Variants in NAALADL2 observed in about 807,000 individuals in gnomAD.
The protein encoded by NAALADL2 is N-acetylated alpha-linked acidic dipeptidase like 2.
A neutral mutation model predicts 87.2 loss-of-function variants in NAALADL2; 76 were observed. That is an observed-to-expected ratio of 0.87 (90% CI 0.72 to 1.05). NAALADL2 has a LOEUF of 1.05. NAALADL2 is among the 50% of genes least tolerant of loss of function. NAALADL2 has a pLI of 0.00. For missense variants in NAALADL2, 1,089 were observed against 945.8 expected (o/e 1.15, Z -1.99); for synonymous variants, 354 against 331.0 (o/e 1.07, Z -0.75).
Position 175,078,703 on chromosome 3 carries a change from C to CT in NAALADL2, c.44-18086dup, listed in dbSNP as rs142706324. On this transcript the variant is annotated intron_variant, in intron 1 of 13. Transcript: ENST00000454872. ...GTATCCAATACGTGGTCTTTTGTGA[C>CT]TGACTTCTTTCACGTAGGAAGATGT... Among the ~76,000 whole-genome samples the CT allele has an allele frequency of 8.2e-3, 1,246 of 152,308 alleles. 7 individuals carry two copies. The highest frequency in any genetic ancestry group is 0.014 in the Middle Eastern group (4 of 294).
chr3:175,656,828 A>C (rs1399076567), intron 11 of NAALADL2, among the ~76,000 whole-genome samples: 2 of 151,990 alleles, frequency 1.3e-5, no homozygotes, highest in Non-Finnish European at 2.9e-5. Context: ...CCTGAAAGCA[A>C]ATTTTTTGCT....
At chr3:174,519,326 CTTTTTTT>C (rs557612913) in intron 1 of NAALADL2, among the ~76,000 whole-genome samples, 4 of 128,926 alleles carry the variant, frequency 3.1e-5, no homozygotes, top group African/African-American at 8.8e-5. Context: ...TGAAGATTTC[CTTTTTTT>C]TTTTTTTTTT....
chr3:175,390,902 T>G (rs573874249), intron 5 of NAALADL2, among the ~76,000 whole-genome samples: 1 of 152,308 alleles, frequency 6.6e-6, no homozygotes, highest in South Asian at 2.1e-4. Flanking sequence ...GCACCTGTAC[T>G]AAGTAGCACC....
chr3:174,852,566 A>T (rs1309789556), intron 3 of NAALADL2, among the ~76,000 whole-genome samples: 2 of 152,164 alleles, frequency 1.3e-5, no homozygotes, highest in Admixed American at 1.3e-4. Context: ...ATTGAAGAGG[A>T]CACAAAAACA....
At chr3:175,515,601 A>T (rs1201840804) in intron 9 of NAALADL2, among the ~76,000 whole-genome samples, 1 of 151,922 alleles carries the variant, frequency 6.6e-6, no homozygotes, top group African/African-American at 2.4e-5. Context: ...ACAACTGCCC[A>T]AAGAGTCTTG....
At chr3:174,503,899 A>G (rs1719050687) in intron 1 of NAALADL2, among the ~76,000 whole-genome samples, 1 of 152,328 alleles carries the variant, frequency 6.6e-6, no homozygotes, top group Non-Finnish European at 1.5e-5. Context: ...ACAGATTAAT[A>G]GAGAAAATGA....
intron 1 of NAALADL2, among the ~76,000 whole-genome samples, chr3:174,862,140 A>G (rs1017068344): frequency 9.2e-5 from 14 of 152,048 alleles, no homozygotes; most frequent in African/African-American, 3.4e-4. Flanking sequence ...AAACGTTGCA[A>G]ATATGAATAA....
intron 2 of NAALADL2, among the ~76,000 whole-genome samples, chr3:174,630,454 C>A (rs1376352429): frequency 6.6e-6 from 1 of 152,066 alleles, no homozygotes; most frequent in East Asian, 1.9e-4. Context: ...TATGTTTATG[C>A]TTACAAAATT....
chr3:175,012,271 T>C (rs535781850), intron 1 of NAALADL2, among the ~76,000 whole-genome samples: 7 of 152,272 alleles, frequency 4.6e-5, no homozygotes, highest in African/African-American at 1.7e-4. Context: ...TTCAAGGGAT[T>C]CTCCTGCCTC....
chr3:175,070,839 T>C (rs1269639158), intron 1 of NAALADL2, among the ~76,000 whole-genome samples: 3 of 152,090 alleles, frequency 2.0e-5, no homozygotes, highest in Non-Finnish European at 4.4e-5. Flanking sequence ...ATAGTAAATA[T>C]ATTAATAGTA....
At chr3:174,558,261 G>A (rs913937578) in intron 2 of NAALADL2, among the ~76,000 whole-genome samples, 10 of 152,098 alleles carry the variant, frequency 6.6e-5, no homozygotes, top group Non-Finnish European at 1.0e-4. Context: ...AATTTCTACT[G>A]CGCTTGTTTC....
At chr3:174,820,606 A>G (rs1165476234) in intron 3 of NAALADL2, among the ~76,000 whole-genome samples, 6 of 152,150 alleles carry the variant, frequency 3.9e-5, no homozygotes, top group Admixed American at 3.9e-4. Context: ...AAACTGAAAG[A>G]AACTTTTGTG....
intron 1 of NAALADL2, among the ~76,000 whole-genome samples, chr3:174,987,352 G>A (rs1473497132): frequency 6.6e-6 from 1 of 151,164 alleles, no homozygotes; most frequent in African/African-American, 2.4e-5. Context: ...GGCGGATCAC[G>A]AGGTCAGGAG....
chr3:174,933,216 A>C (rs1377697242), intron 1 of NAALADL2, among the ~76,000 whole-genome samples: 3 of 152,220 alleles, frequency 2.0e-5, no homozygotes, highest in African/African-American at 7.2e-5. Flanking sequence ...ATACTGAATA[A>C]TAAAGTAGCT....
At chr3:175,140,670 T>G (rs1408661749) in intron 2 of NAALADL2, among the ~76,000 whole-genome samples, 4 of 152,078 alleles carry the variant, frequency 2.6e-5, no homozygotes, top group Non-Finnish European at 5.9e-5. Context: ...GAGCATGAGT[T>G]TAATAAAGGG....
intron 2 of NAALADL2, among the ~76,000 whole-genome samples, chr3:174,608,967 G>A (rs1719453451): frequency 6.6e-6 from 1 of 151,306 alleles, no homozygotes; most frequent in Non-Finnish European, 1.5e-5. Context: ...TATCCACCAT[G>A]ATCAAGTGGG....
chr3:174,728,837 T>C (rs1732440888), intron 2 of NAALADL2, among the ~76,000 whole-genome samples: 1 of 152,064 alleles, frequency 6.6e-6, no homozygotes, highest in African/African-American at 2.4e-5. Flanking sequence ...TTTACATTTA[T>C]GGACAGACAG....
intron 2 of NAALADL2, among the ~76,000 whole-genome samples, chr3:175,189,667 A>G (rs1737858390): frequency 1.3e-5 from 2 of 152,190 alleles, no homozygotes; most frequent in South Asian, 4.1e-4. Context: ...GATTCAGTGC[A>G]ATTCCTGTCA....
intron 12 of NAALADL2, among the ~76,000 whole-genome samples, chr3:175,748,051 A>T (rs1559968227): frequency 6.6e-6 from 1 of 151,942 alleles, no homozygotes; most frequent in Non-Finnish European, 1.5e-5. Context: ...TAAACCTATC[A>T]CTTCAGTATC....
Sources: gnomAD v4.1 joint callset for allele counts (sites outside exome capture counted in the v4.1 genomes callset) on GRCh38, gnomAD v4.1.1 for gene constraint, MANE v1.5 for transcripts, NCBI Gene and HGNC (gene_info 2026-07-23, HGNC 2026-07-21) for gene names.